HIP1: variants seen among roughly 807,000 people sequenced by gnomAD.
HIP1 encodes huntingtin-interacting protein 1.
Under a neutral mutation model 147.6 loss-of-function variants are expected in HIP1, and 65 were observed. The observed-to-expected ratio is 0.44, with a 90% CI of 0.36 to 0.54. HIP1 has a LOEUF of 0.54. Among genes scored for constraint, HIP1 ranks in the 20% least tolerant of loss-of-function variants. HIP1 has a pLI of 0.00. For synonymous variants in HIP1, 479 were observed against 504.0 expected (o/e 0.95, Z 0.67); for missense variants, 1,061 against 1,299.6 (o/e 0.82, Z 2.82).
At chr7:75,721,697 AG>A (rs1801508792) in intron 1 of HIP1, among the ~76,000 whole-genome samples, 1 of 152,336 alleles carries the variant, frequency 6.6e-6, no homozygotes, top group Admixed American at 6.5e-5. Flanking sequence ...AGTGGGCAGA[AG>A]TAACTAATTG....
chr7:75,727,845 CAAA>C (rs1169732794), intron 1 of HIP1, among the ~76,000 whole-genome samples: 4 of 67,288 alleles, frequency 5.9e-5, no homozygotes, highest in Admixed American at 3.4e-4. Flanking sequence ...GACTCCATCT[CAAA>C]AAAAAAAAAA....
At chr7:75,546,859 G>T in intron 25 of HIP1, 80 bp downstream of exon 25, 1 of 979,806 alleles carries the variant, frequency 1.0e-6, no homozygotes, top group Non-Finnish European at 1.6e-6. Flanking sequence ...GAGTAAGACG[G>T]CAGCATCACA....
rs1363903201 is a variant in HIP1 at position 75,635,777 on chromosome 7, G to A, written c.121-36530C>T. Among the ~76,000 whole-genome samples the A allele has an allele frequency of 5.3e-5, 8 of 151,944 alleles. No individual in the cohort carries two copies. In the East Asian group the frequency reaches 1.5e-3, roughly 29 times the overall value. On this transcript the variant is annotated intron_variant, in intron 1 of 30. Transcript: ENST00000336926. The stretch of plus-strand genomic sequence containing the variant: ...GTGGCTCACACCTATAATCCCAGCA[G>A]TTTGGGAGGCTTAGGTGGGTAGATT...
intron 14 of HIP1, 45 bp downstream of exon 14, chr7:75,559,687 C>T (rs34985543): frequency 0.065 from 79,647 of 1,228,512 alleles, 6,187 homozygotes; most frequent in Middle Eastern, 0.096. Flanking sequence ...CTCTGCTGCC[C>T]GCGCCTGCCC....
At position 75,536,734 on chromosome 7, in the gene HIP1, G is replaced by C. The variant is rs1241949784; in HGVS notation, c.*1438C>G. 1.3e-5 allele frequency: 3 copies of C among 228,338 alleles called. No homozygotes were observed. Among genetic ancestry groups the C allele is most frequent in the African/African-American group, 6.7e-5 (3 of 44,998 alleles). 14.1% of individuals were successfully genotyped at this position (228,338 alleles called of 1,614,324 possible). A position where few individuals can be genotyped will look rare whatever the true frequency, so the allele number is the denominator to read the frequency against. On this transcript the variant is annotated 3_prime_UTR_variant, in exon 31 of 31. Transcript: ENST00000336926. Reference sequence around the variant, plus strand: ...AGCTCCAAATGATCTCCTTGCTTTGGGATCCAAGTCAGTAACAGTCCAGCA... The same window carrying C: ...AGCTCCAAATGATCTCCTTGCTTTGCGATCCAAGTCAGTAACAGTCCAGCA...
At chr7:75,678,249 A>C (rs1799958307) in intron 1 of HIP1, among the ~76,000 whole-genome samples, 1 of 152,084 alleles carries the variant, frequency 6.6e-6, no homozygotes, top group South Asian at 2.1e-4. Flanking sequence ...TACACCTCAC[A>C]GAATTCTCTT....
chr7:75,738,922 T>C lies in HIP1; in HGVS notation c.-2A>G. On this transcript the variant is annotated 5_prime_UTR_variant, in exon 1 of 31. Transcript: ENST00000336926. ...CATGGAGCTGGCCATCCGATCCATG[T>C]CGCCGCGAGGAGCCGAGTCAGGGGC... The C allele has an allele frequency of 6.5e-7, 1 of 1,545,410 alleles. No homozygotes were observed. Among genetic ancestry groups the C allele is most frequent in the Middle Eastern group, 1.8e-4 (1 of 5,460 alleles).
chr7:75,733,429 T>A (rs1801907788), intron 1 of HIP1: 1 of 130,610 alleles, frequency 7.7e-6, no homozygotes, highest in African/African-American at 3.2e-5. Flanking sequence ...CTTTTCTTTT[T>A]CTTTTTTTTT....
intron 1 of HIP1, among the ~76,000 whole-genome samples, chr7:75,642,691 T>C (rs1269392232): frequency 2.6e-5 from 4 of 152,204 alleles, no homozygotes; most frequent in African/African-American, 9.7e-5. Flanking sequence ...GGTCCTTCCC[T>C]CTTCCTGAGC....
chr7:75,664,309 T>C (rs1554514230), intron 1 of HIP1, among the ~76,000 whole-genome samples: 2 of 144,242 alleles, frequency 1.4e-5, no homozygotes, highest in South Asian at 2.2e-4. Context: ...TATATGTATG[T>C]ATATGTATAC....
chr7:75,721,338 C>T (rs1801499060), intron 1 of HIP1, among the ~76,000 whole-genome samples: 1 of 152,008 alleles, frequency 6.6e-6, no homozygotes, highest in Non-Finnish European at 1.5e-5. Context: ...TGCACCACTG[C>T]ACTCCAGCCT....
chr7:75,661,541 C>T, intron 1 of HIP1, among the ~76,000 whole-genome samples: 1 of 147,264 alleles, frequency 6.8e-6, no homozygotes, highest in African/African-American at 2.5e-5. Flanking sequence ...CCGCTGCACT[C>T]CAGCCTGGGC....
At chr7:75,728,188 G>A (rs1197956771) in intron 1 of HIP1, among the ~76,000 whole-genome samples, 2 of 152,210 alleles carry the variant, frequency 1.3e-5, no homozygotes, top group Non-Finnish European at 2.9e-5. Flanking sequence ...CTGGCTTCCT[G>A]AGCTGTCTTG....
chr7:75,557,587 A>C lies in HIP1; in HGVS notation c.1581+67T>G, dbSNP rs868907345. 1.9e-5 allele frequency: 23 copies of C among 1,197,672 alleles called. No homozygotes were observed. The Middle Eastern group carries it at 1.4e-3, about 73-fold the overall frequency. 74.2% of individuals were successfully genotyped at this position (1,197,672 alleles called of 1,614,324 possible). A position where few individuals can be genotyped will look rare whatever the true frequency, so the allele number is the denominator to read the frequency against. Reference sequence around the variant, plus strand: ...AGAACTGCCCATGGAGCAGAAGGCCACAAAGCCCCCGCCACCAACTCAACA... The same window carrying C: ...AGAACTGCCCATGGAGCAGAAGGCCCCAAAGCCCCCGCCACCAACTCAACA... On this transcript the variant is annotated intron_variant, in intron 16 of 30. Transcript: ENST00000336926.
Position 75,568,317 on chromosome 7 carries a change from C to A in HIP1, c.746-61G>T. 1 of 1,136,756 alleles carries A rather than the reference C, an allele frequency of 8.8e-7. No individual in the cohort carries two copies. Among genetic ancestry groups the A allele is most frequent in the Non-Finnish European group, 1.3e-6 (1 of 745,528 alleles). 70.4% of individuals were successfully genotyped at this position (1,136,756 alleles called of 1,614,324 possible). A position where few individuals can be genotyped will look rare whatever the true frequency, so the allele number is the denominator to read the frequency against. ...GGACCAGAGGGCAGGGAAGCCACAGCGGGGCTCTCGAGGGGGAGGGGCCCA... is the reference window on the plus strand; with the variant it reads ...GGACCAGAGGGCAGGGAAGCCACAGAGGGGCTCTCGAGGGGGAGGGGCCCA... On this transcript the variant is annotated intron_variant, in intron 8 of 30. Coordinates refer to ENST00000336926, the MANE Select transcript of HIP1 (RefSeq NM_005338.7). This position sits in a 1 kb window ranked among gnomAD's most constrained non-coding sequence, Gnocchi z 4.1.
intron 22 of HIP1, among the ~76,000 whole-genome samples, chr7:75,549,570 AT>A (rs1794705465): frequency 6.6e-6 from 1 of 150,744 alleles, no homozygotes; most frequent in Non-Finnish European, 1.5e-5. Flanking sequence ...GGGTTTCACT[AT>A]TTTGCCCAGG....
intron 13 of HIP1, 95 bp downstream of exon 13, chr7:75,561,234 G>C: frequency 1.1e-6 from 1 of 930,224 alleles, no homozygotes; most frequent in Non-Finnish European, 1.8e-6. Flanking sequence ...GATTACAGGT[G>C]TGAGCCACTG....
intron 1 of HIP1, among the ~76,000 whole-genome samples, chr7:75,664,302 A>G (rs1415448689): frequency 8.7e-5 from 10 of 114,432 alleles, no homozygotes; most frequent in Non-Finnish European, 1.9e-4. Flanking sequence ...GTATGTATAT[A>G]TGTATGTATA....
rs1487763976 is a variant in HIP1 at position 75,709,877 on chromosome 7, G to GT, written c.120+28923dup. Among the ~76,000 whole-genome samples, 8 of 151,842 alleles carry GT rather than the reference G, an allele frequency of 5.3e-5. No homozygotes were observed. In the East Asian group the frequency reaches 9.7e-4, roughly 18 times the overall value. On this transcript the variant is annotated intron_variant, in intron 1 of 30. Coordinates refer to ENST00000336926, the MANE Select transcript of HIP1 (RefSeq NM_005338.7). ...TTCCTCTATTCCTAGTTTGTTGAGT[G>GT]TTTTTTTGTTTCTTTGTTTTTGAGA...
Sources: allele counts gnomAD v4.1 joint callset (sites outside exome capture counted in the v4.1 genomes callset), GRCh38; gene constraint gnomAD v4.1.1; non-coding constraint Gnocchi (gnomAD v3.1); transcripts MANE v1.5; gene names NCBI Gene and HGNC (gene_info 2026-07-23, HGNC 2026-07-21).